MYOM2: variants seen among roughly 807,000 people sequenced by gnomAD.
MYOM2 encodes myomesin 2, also known as myomesin-2.
In MYOM2, 254 loss-of-function variants were observed where a neutral mutation model predicts 187.6. The ratio of observed to expected loss-of-function variants is 1.35; its 90% CI spans 1.22 to 1.50. The LOEUF (loss-of-function observed/expected upper bound fraction) is 1.50, where lower values mean the gene tolerates loss of function less well. Among genes scored for constraint, MYOM2 ranks in the 40% most tolerant of loss-of-function variants. MYOM2 has a pLI of 0.00. For synonymous variants in MYOM2, 981 were observed against 753.8 expected (o/e 1.30, Z -4.94); for missense variants, 2,796 against 1,924.0 (o/e 1.45, Z -8.48).
chr8:2,060,518 AG>A (rs34721497), intron 6 of MYOM2, among the ~76,000 whole-genome samples: 53,917 of 152,024 alleles, frequency 0.35, 10,720 homozygotes, highest in Non-Finnish European at 0.44. Flanking sequence ...TGTATAAATA[AG>A]GTAAAAAATA....
intron 32 of MYOM2, among the ~76,000 whole-genome samples, chr8:2,140,038 G>A (rs2116918079): frequency 6.6e-6 from 1 of 151,974 alleles, no homozygotes; most frequent in East Asian, 1.9e-4. Context: ...CCTCCCACCC[G>A]AAACTCTGTT....
chr8:2,140,976 G>A (rs1423777480), intron 33 of MYOM2, 90 bp downstream of exon 33: 2 of 1,354,964 alleles, frequency 1.5e-6, no homozygotes, highest in South Asian at 1.6e-5. Flanking sequence ...GAATACAAGA[G>A]ACAATATGAA....
chr8:2,119,499 G>C (rs1797355048), intron 28 of MYOM2: 1 of 153,358 alleles, frequency 6.5e-6, no homozygotes, highest in South Asian at 2.1e-4. Flanking sequence ...GCTGAGCAGG[G>C]ACAGCTGGAG....
intron 13 of MYOM2, among the ~76,000 whole-genome samples, chr8:2,084,591 T>G (rs1352353079): frequency 2.6e-5 from 4 of 152,140 alleles, no homozygotes; most frequent in African/African-American, 9.7e-5. Context: ...TCCCCACACC[T>G]CATAGTATAT....
chr8:2,079,367 G>A (rs1167258933), intron 12 of MYOM2, among the ~76,000 whole-genome samples, 193 bp from the exon 13 acceptor site: 1 of 151,940 alleles, frequency 6.6e-6, no homozygotes, highest in Non-Finnish European at 1.5e-5. Context: ...ATGGTCCTTT[G>A]CATCCACCAC....
intron 6 of MYOM2, among the ~76,000 whole-genome samples, chr8:2,067,121 C>T (rs1246416703): frequency 6.6e-6 from 1 of 152,092 alleles, no homozygotes; most frequent in Non-Finnish European, 1.5e-5. Flanking sequence ...GCACAGTTCT[C>T]GGACACGTTC....
At chr8:2,103,905 T>C (rs1224187330) in intron 21 of MYOM2, among the ~76,000 whole-genome samples, 1 of 152,150 alleles carries the variant, frequency 6.6e-6, no homozygotes, top group Non-Finnish European at 1.5e-5. Flanking sequence ...ATGTGTTATG[T>C]GTGCATGTAT....
intron 10 of MYOM2, among the ~76,000 whole-genome samples, chr8:2,074,145 T>C (rs1365044050): frequency 6.6e-6 from 1 of 152,204 alleles, no homozygotes; most frequent in African/African-American, 2.4e-5. Flanking sequence ...ATTTGTGATA[T>C]ACAGATATAT....
intron 6 of MYOM2, among the ~76,000 whole-genome samples, chr8:2,063,911 C>G (rs1158142033): frequency 2.0e-5 from 3 of 152,250 alleles, no homozygotes; most frequent in Non-Finnish European, 4.4e-5. Flanking sequence ...CCTGTCAGAA[C>G]AGGAAATAAA....
intron 25 of MYOM2, among the ~76,000 whole-genome samples, chr8:2,112,425 G>A (rs1337735754): frequency 6.6e-6 from 1 of 151,948 alleles, no homozygotes; most frequent in African/African-American, 2.4e-5. Context: ...ATGGGAGGGA[G>A]AGAATGAGAC....
chr8:2,123,487 G>T, intron 29 of MYOM2, 68 bp from the exon 30 acceptor site: 1 of 1,484,092 alleles, frequency 6.7e-7, no homozygotes, highest in African/African-American at 1.4e-5. Context: ...AAATGTATTA[G>T]AGTTTATTAC....
chr8:2,122,962 G>C (rs1797507179), intron 28 of MYOM2, among the ~76,000 whole-genome samples: 2 of 103,302 alleles, frequency 1.9e-5, no homozygotes, highest in South Asian at 3.1e-4. Flanking sequence ...ATTTCATATA[G>C]ACCAAAAGAT....
intron 16 of MYOM2, 149 bp from the exon 17 acceptor site, chr8:2,093,821 A>T: frequency 1.1e-6 from 1 of 938,140 alleles, no homozygotes; most frequent in Non-Finnish European, 1.6e-6. Flanking sequence ...CGGACTCTAC[A>T]TGTTGAGCTA....
intron 28 of MYOM2, 80 bp from the exon 29 acceptor site, chr8:2,123,172 G>C (rs1797515560): frequency 1.1e-6 from 1 of 938,126 alleles, no homozygotes; most frequent in Non-Finnish European, 1.6e-6. Context: ...GGGGCTCTGT[G>C]ATTTAAGATT....
chr8:2,110,739 C>A (rs1033034824), intron 25 of MYOM2, among the ~76,000 whole-genome samples: 1 of 152,180 alleles, frequency 6.6e-6, no homozygotes, highest in African/African-American at 2.4e-5. Flanking sequence ...CCCGGGCAGC[C>A]CCCCTACCAT....
At chr8:2,143,274 G>A (rs1200295677) in intron 35 of MYOM2, 127 bp from the exon 36 acceptor site, 2 of 1,060,464 alleles carry the variant, frequency 1.9e-6, no homozygotes, top group South Asian at 1.3e-5. Flanking sequence ...TTTCTTTGAT[G>A]CTCGCTCTCT....
chr8:2,064,353 A>G (rs1818944442), intron 6 of MYOM2, among the ~76,000 whole-genome samples: 1 of 152,208 alleles, frequency 6.6e-6, no homozygotes, highest in Admixed American at 6.5e-5. Context: ...GACAGCGGGA[A>G]CCATAAACAG....
At chr8:2,084,517 T>G (rs548486587) in intron 13 of MYOM2, among the ~76,000 whole-genome samples, 1 of 152,294 alleles carries the variant, frequency 6.6e-6, no homozygotes, top group Non-Finnish European at 1.5e-5. Flanking sequence ...TTTCAAGAAC[T>G]GTGGGTCTGG....
At chr8:2,116,942 G>C (rs976271200) in intron 27 of MYOM2, among the ~76,000 whole-genome samples, 1 of 64,184 alleles carries the variant, frequency 1.6e-5, no homozygotes, top group Non-Finnish European at 3.2e-5. Flanking sequence ...TGTATTTTTA[G>C]TAGAGACGGA....
Sources: allele counts gnomAD v4.1 joint callset (sites outside exome capture counted in the v4.1 genomes callset), GRCh38; gene constraint gnomAD v4.1.1; transcripts MANE v1.5; gene names NCBI Gene and HGNC (gene_info 2026-07-23, HGNC 2026-07-21).